The following TMEM272 variants were observed in gnomAD, a reference collection of about 807,000 sequenced individuals.
TMEM272 encodes the protein long intergenic non-protein coding RNA 282.
Under a neutral mutation model 3.7 loss-of-function variants are expected in TMEM272, and 8 were observed. That is an observed-to-expected ratio of 2.17 (90% CI 1.27 to 3.91). The LOEUF (loss-of-function observed/expected upper bound fraction) is 3.91, where lower values mean the gene tolerates loss of function less well. Ranked by LOEUF, TMEM272 falls within the 30% of genes most tolerant of loss-of-function variation. TMEM272 has a pLI of 0.00. For missense variants in TMEM272, 166 were observed against 91.5 expected (o/e 1.81, Z -3.32); for synonymous variants, 63 against 39.8 (o/e 1.58, Z -2.20).
the TMEM272 span, among the ~76,000 whole-genome samples, chr13:51,918,983 C>T: frequency 6.6e-6 from 1 of 152,024 alleles, no homozygotes; most frequent in Non-Finnish European, 1.5e-5. Context: ...CCTGGACCTC[C>T]TTATGACACA....
chr13:51,914,723 C>G, the TMEM272 span, among the ~76,000 whole-genome samples: 11 of 152,222 alleles, frequency 7.2e-5, no homozygotes, highest in Admixed American at 6.5e-5. Flanking sequence ...GTGTGGCCCA[C>G]AGAGCAGCAG....
the TMEM272 span, among the ~76,000 whole-genome samples, chr13:51,867,670 G>A: frequency 1.3e-5 from 2 of 152,184 alleles, no homozygotes; most frequent in Non-Finnish European, 2.9e-5. Flanking sequence ...TTCCCTGCAA[G>A]TCCTCTGATT....
chr13:51,819,383 T>G (rs2139548185), intron 4 of TMEM272, among the ~76,000 whole-genome samples: 1 of 152,302 alleles, frequency 6.6e-6, no homozygotes, highest in Non-Finnish European at 1.5e-5. Flanking sequence ...ATCACTCAGA[T>G]GCATTTCCCT....
At chr13:51,884,920 G>A in the TMEM272 span, among the ~76,000 whole-genome samples, 1 of 152,146 alleles carries the variant, frequency 6.6e-6, no homozygotes, top group Non-Finnish European at 1.5e-5. Flanking sequence ...GGAAGTTATA[G>A]CTAGTCCATA....
the TMEM272 span, among the ~76,000 whole-genome samples, chr13:51,919,963 G>A: frequency 3.3e-5 from 5 of 152,244 alleles, no homozygotes; most frequent in Admixed American, 2.0e-4. Flanking sequence ...AAGGAAGAAG[G>A]AAGGAAGGAA....
the TMEM272 span, among the ~76,000 whole-genome samples, chr13:51,917,241 C>T: frequency 6.6e-6 from 1 of 152,160 alleles, no homozygotes; most frequent in African/African-American, 2.4e-5. Context: ...CTCTCTCTCT[C>T]AACAAATGGC....
the TMEM272 span, among the ~76,000 whole-genome samples, chr13:51,851,750 C>G: frequency 2.6e-5 from 4 of 152,170 alleles, no homozygotes; most frequent in South Asian, 4.1e-4. Flanking sequence ...CTCTCAAACT[C>G]CTGACCTTGT....
chr13:51,904,140 T>C, the TMEM272 span, among the ~76,000 whole-genome samples: 2 of 152,148 alleles, frequency 1.3e-5, no homozygotes, highest in Non-Finnish European at 2.9e-5. Context: ...ACCATCAGCA[T>C]CAGAATCAGC....
the TMEM272 span, among the ~76,000 whole-genome samples, chr13:51,927,268 A>G: frequency 6.6e-6 from 1 of 152,308 alleles, no homozygotes; most frequent in Admixed American, 6.5e-5. Flanking sequence ...CACCCCAGGA[A>G]CTATTAATAG....
the TMEM272 span, among the ~76,000 whole-genome samples, chr13:51,922,552 G>C: frequency 6.6e-6 from 1 of 152,200 alleles, no homozygotes; most frequent in Non-Finnish European, 1.5e-5. Flanking sequence ...ACTCCTGTGG[G>C]ACAGGGATCA....
chr13:51,857,812 A>C, the TMEM272 span, among the ~76,000 whole-genome samples: 4 of 152,086 alleles, frequency 2.6e-5, no homozygotes, highest in South Asian at 8.3e-4. Flanking sequence ...AAACCAAATA[A>C]ATGACAAATT....
At chr13:51,838,317 G>A (rs750238204) in intron 2 of TMEM272, among the ~76,000 whole-genome samples, 156 bp downstream of exon 2, 4 of 152,186 alleles carry the variant, frequency 2.6e-5, no homozygotes, top group Non-Finnish European at 5.9e-5. Context: ...GCAGCCAACC[G>A]AGGGCCGGAC....
the TMEM272 span, among the ~76,000 whole-genome samples, chr13:51,905,892 T>C: frequency 6.6e-6 from 1 of 152,224 alleles, no homozygotes. Flanking sequence ...GAATGAAGGC[T>C]TCACCTGTGG....
chr13:51,915,087 C>T, the TMEM272 span, among the ~76,000 whole-genome samples: 1 of 152,168 alleles, frequency 6.6e-6, no homozygotes, highest in Non-Finnish European at 1.5e-5. Flanking sequence ...GAAAGTACCG[C>T]AAAAACAGTA....
chr13:51,816,633 C>T lies in TMEM272; in HGVS notation c.*118G>A. 5.0e-6 allele frequency: 3 copies of T among 601,696 alleles called. No homozygotes were observed. Among genetic ancestry groups the T allele is most frequent in the Non-Finnish European group, 8.9e-6 (3 of 336,056 alleles). 37.3% of individuals were successfully genotyped at this position (601,696 alleles called of 1,614,324 possible). A position where few individuals can be genotyped will look rare whatever the true frequency, so the allele number is the denominator to read the frequency against. ...ATGCCTTCAGGGAAGGTTTTATTAC[C>T]TTTATGCCCTTCTCTGAACCTGTGT... On this transcript the variant is annotated 3_prime_UTR_variant, in exon 5 of 5. Transcript: ENST00000629372.
At chr13:51,906,275 T>C in the TMEM272 span, among the ~76,000 whole-genome samples, 1 of 152,154 alleles carries the variant, frequency 6.6e-6, no homozygotes, top group East Asian at 1.9e-4. Flanking sequence ...TGAGCAGTTA[T>C]GGGGGAGAGA....
chr13:51,874,227 G>A, the TMEM272 span, among the ~76,000 whole-genome samples: 2 of 152,206 alleles, frequency 1.3e-5, no homozygotes, highest in Non-Finnish European at 2.9e-5. Flanking sequence ...TCTGCATAAT[G>A]TTCTTGGCTG....
chr13:51,814,113 A>T lies in TMEM272; in HGVS notation c.*2638T>A, dbSNP rs1955993866. The T allele has an allele frequency of 6.6e-6, 1 of 152,308 alleles. No individual in the cohort carries two copies. Among genetic ancestry groups the T allele is most frequent in the Non-Finnish European group, 1.5e-5 (1 of 68,116 alleles). The allele number at this position is 152,308 out of a possible 1,614,324, so 9.4% of individuals were successfully genotyped here. A position where few individuals can be genotyped will look rare whatever the true frequency, so the allele number is the denominator to read the frequency against. On this transcript the variant is annotated 3_prime_UTR_variant, in exon 5 of 5. Transcript: ENST00000629372. ...GATTATAACTTCTTCTATAACCAGG[A>T]ACTTCTTACACTCACCTCCAGCTCA...
the TMEM272 span, among the ~76,000 whole-genome samples, chr13:51,850,503 A>T: frequency 6.6e-6 from 1 of 152,208 alleles, no homozygotes; most frequent in African/African-American, 2.4e-5. Context: ...GTAAGCCCTG[A>T]GTCTTTTATC....
Sources: gnomAD v4.1 joint callset for allele counts (sites outside exome capture counted in the v4.1 genomes callset) on GRCh38, gnomAD v4.1.1 for gene constraint, MANE v1.5 for transcripts, NCBI Gene and HGNC (gene_info 2026-07-23, HGNC 2026-07-21) for gene names.